Variants in RRP1B observed in about 807,000 individuals in gnomAD.
RRP1B encodes the protein ribosomal RNA processing protein 1 homolog B.
A neutral mutation model predicts 80.2 loss-of-function variants in RRP1B; 56 were observed. That is an observed-to-expected ratio of 0.70 (90% CI 0.56 to 0.87). The LOEUF (loss-of-function observed/expected upper bound fraction) is 0.87, where lower values mean the gene tolerates loss of function less well. RRP1B is among the 40% of genes least tolerant of loss of function. The probability of loss-of-function intolerance (pLI) is 0.00; values close to 1 mark genes in which losing one functional copy is unlikely to be tolerated. For missense variants in RRP1B, 807 were observed against 939.8 expected (o/e 0.86, Z 1.85); for synonymous variants, 351 against 357.6 (o/e 0.98, Z 0.21).
chr21:43,665,663 C>G (rs943202235), intron 1 of RRP1B, among the ~76,000 whole-genome samples: 6 of 152,058 alleles, frequency 3.9e-5, no homozygotes, highest in Non-Finnish European at 8.8e-5. Flanking sequence ...ACCCTTGGTG[C>G]CATTCTCAGG....
rs193281216 is a variant in RRP1B, at chr21:43,691,843, C to T, written c.2083+341C>T. On this transcript the variant is annotated intron_variant, in intron 15 of 15. Transcript: ENST00000340648. This position sits in a 1 kb window ranked among gnomAD's most constrained non-coding sequence, Gnocchi z 4.2. Reference sequence around the variant, plus strand: ...TGTATTTTTAGTAAAGATGGAGTTTCACCATGTCAGCCAGGCTGGTCTCAA... The same window carrying T: ...TGTATTTTTAGTAAAGATGGAGTTTTACCATGTCAGCCAGGCTGGTCTCAA... Among the ~76,000 whole-genome samples the T allele has an allele frequency of 2.6e-5, 4 of 152,174 alleles. No individual in the cohort carries two copies. The highest frequency in any genetic ancestry group is 7.2e-5 in the African/African-American group (3 of 41,526).
intron 4 of RRP1B, 89 bp downstream of exon 4, chr21:43,674,044 C>G (rs886335942): frequency 1.2e-5 from 11 of 934,072 alleles, no homozygotes; most frequent in Non-Finnish European, 1.8e-5. Context: ...ATTTGTGAAG[C>G]AAAACAAGCC....
At chr21:43,680,831 C>T (rs182748538) in intron 8 of RRP1B, among the ~76,000 whole-genome samples, 111 of 152,314 alleles carry the variant, frequency 7.3e-4, no homozygotes, top group African/African-American at 2.0e-3. Context: ...AGGCATGAGC[C>T]ACCACACCTA....
At position 43,695,294 on chromosome 21, in the gene RRP1B, G is replaced by A. The variant is rs970666615; in HGVS notation, c.*1911G>A. 2.0e-5 allele frequency: 3 copies of A among 152,056 alleles called. No individual in the cohort carries two copies. The highest frequency in any genetic ancestry group is 7.3e-5 in the African/African-American group (3 of 41,368). 9.4% of individuals were successfully genotyped at this position (152,056 alleles called of 1,614,324 possible). ...AATCCAACATTGTTGAGATGTCTTA[G>A]GACATCTAAGGCAAAACTGGCACAT... On this transcript the variant is annotated 3_prime_UTR_variant, in exon 16 of 16. Transcript: ENST00000340648.
Position 43,691,623 on chromosome 21 carries a change from A to G in RRP1B, c.2083+121A>G. ...GGGGGGTCCTAGCTCCTCACTGCCCATTTCTTTATTTTTATTTTTTTTTTT... is the reference window on the plus strand; with the variant it reads ...GGGGGGTCCTAGCTCCTCACTGCCCGTTTCTTTATTTTTATTTTTTTTTTT... On this transcript the variant is annotated intron_variant, in intron 15 of 15. Transcript: ENST00000340648. The surrounding 1 kb of genome is among the most constrained non-coding windows in gnomAD (Gnocchi z 4.2). 1.5e-6 allele frequency: 1 copy of G among 664,360 alleles called. No individual in the cohort carries two copies. Among genetic ancestry groups the G allele is most frequent in the South Asian group, 1.9e-5 (1 of 52,736 alleles). The allele number at this position is 664,360 out of a possible 1,614,324, so 41.2% of individuals were successfully genotyped here.
chr21:43,668,024 A>G lies in RRP1B; in HGVS notation c.131-1860A>G, dbSNP rs566294174. On this transcript the variant is annotated intron_variant, in intron 1 of 15. Transcript: ENST00000340648. ...GGAGTTCCGGACCAGCCTGGCCAAC[A>G]TGGTGAAACCTTGTCTCCACTAAAA... Among the ~76,000 whole-genome samples, 223 of 152,266 alleles carry G rather than the reference A, an allele frequency of 1.5e-3. 2 individuals carry two copies. The highest frequency in any genetic ancestry group is 5.1e-3 in the African/African-American group (212 of 41,558).
chr21:43,662,953 C>T (rs2082963756), intron 1 of RRP1B, among the ~76,000 whole-genome samples: 1 of 152,182 alleles, frequency 6.6e-6, no homozygotes, highest in Non-Finnish European at 1.5e-5. Flanking sequence ...TGTATCATTG[C>T]TTTCTTTTTG....
intron 11 of RRP1B, 55 bp from the exon 12 acceptor site, chr21:43,686,749 G>T: frequency 6.2e-7 from 1 of 1,604,622 alleles, no homozygotes; most frequent in South Asian, 1.1e-5. Flanking sequence ...TTAGGCCCCT[G>T]GGGCAGAGTC....
At position 43,680,542 on chromosome 21, in the gene RRP1B, C is replaced by T. The variant is rs948094316; in HGVS notation, c.797-2737C>T. 4.6e-5 allele frequency among the ~76,000 whole-genome samples: 7 copies of T among 151,106 alleles called. 1 individual carries two copies. Among genetic ancestry groups the T allele is most frequent in the Non-Finnish European group, 4.4e-5 (3 of 67,856 alleles). On this transcript the variant is annotated intron_variant, in intron 8 of 15. Transcript: ENST00000340648. ...TCGAGCCACTGCACTCCAGCCTGGG[C>T]GACAGAGGGAGACGCCATCTCAAAA...
At position 43,691,637 on chromosome 21, in the gene RRP1B, A is replaced by T. The variant is rs13051661; in HGVS notation, c.2083+135A>T. On this transcript the variant is annotated intron_variant, in intron 15 of 15. Coordinates refer to ENST00000340648, the MANE Select transcript of RRP1B (RefSeq NM_015056.3). This position sits in a 1 kb window ranked among gnomAD's most constrained non-coding sequence, Gnocchi z 4.2. ...CCTCACTGCCCATTTCTTTATTTTTATTTTTTTTTTTTTTTTGAGACAGAG... is the reference window on the plus strand; with the variant it reads ...CCTCACTGCCCATTTCTTTATTTTTTTTTTTTTTTTTTTTTTGAGACAGAG... The T allele has an allele frequency of 0.47, 213,434 of 452,472 alleles. 32,950 individuals are homozygous for T. The highest frequency in any genetic ancestry group is 0.59 in the Admixed American group (16,053 of 27,292). 28.0% of individuals were successfully genotyped at this position (452,472 alleles called of 1,614,324 possible).
At chr21:43,670,113 A>G (rs1210295764) in intron 2 of RRP1B, 147 bp downstream of exon 2, 7 of 476,686 alleles carry the variant, frequency 1.5e-5, no homozygotes, top group Non-Finnish European at 2.6e-5. Flanking sequence ...TCTTGTCCAT[A>G]CAGAAAGGGA....
Position 43,687,851 on chromosome 21 carries a change from C to A in RRP1B, c.1477C>A (p.Pro493Thr), listed in dbSNP as rs756855494. Residue 493 changes from proline (P) to threonine (T), a missense_variant, in exon 13 of 16, where the codon CCC becomes ACC. By Grantham distance (38) the Pro-to-Thr change is conservative (BLOSUM62 -1). Coordinates refer to ENST00000340648, the MANE Select transcript of RRP1B (RefSeq NM_015056.3). The part of the protein sequence containing the change: ...HREMLESAVL[P>T]PEDMSQSGPS... ...GGAAATGTTGGAATCAGCAGTGTTG[C>A]CCCCAGAGGACATGTCTCAGAGTGG... 1.1e-5 allele frequency: 18 copies of A among 1,613,196 alleles called. No individual in the cohort carries two copies. In the African/African-American group the frequency reaches 2.1e-4, roughly 19 times the overall value.
intron 11 of RRP1B, 117 bp downstream of exon 11, chr21:43,685,906 A>G: frequency 7.6e-7 from 1 of 1,319,454 alleles, no homozygotes; most frequent in Non-Finnish European, 1.0e-6. Flanking sequence ...AAAACCTCTG[A>G]TAAGAAATAA....
chr21:43,666,265 C>T (rs185535425), intron 1 of RRP1B, among the ~76,000 whole-genome samples: 149 of 152,390 alleles, frequency 9.8e-4, no homozygotes, highest in African/African-American at 3.6e-3. Context: ...GAAGAGAACA[C>T]ACAGTTTGTA....
chr21:43,673,594 A>G (rs2083008649), intron 3 of RRP1B, among the ~76,000 whole-genome samples: 1 of 149,292 alleles, frequency 6.7e-6, no homozygotes, highest in African/African-American at 2.5e-5. Context: ...AGATCATGCC[A>G]TTGCACTCCA....
Position 43,690,383 on chromosome 21 carries a change from GTTC to G in RRP1B, c.1966_1968del (p.Phe656del). On this transcript the variant is annotated inframe_deletion, in exon 14 of 16. Coordinates refer to ENST00000340648, the MANE Select transcript of RRP1B (RefSeq NM_015056.3). ...ACACCCCCTTCTTACCAAAGCCCCTGTTCTTCAGAAGAGCCAAGAGCAGCACTG... is the reference window on the plus strand; with the variant it reads ...ACACCCCCTTCTTACCAAAGCCCCTGTTCAGAAGAGCCAAGAGCAGCACTG... The G allele has an allele frequency of 6.8e-6, 11 of 1,614,208 alleles. No homozygotes were observed. The highest frequency in any genetic ancestry group is 1.1e-5 in the South Asian group (1 of 91,088).
chr21:43,684,701 C>G, intron 10 of RRP1B, 51 bp downstream of exon 10: 2 of 1,455,140 alleles, frequency 1.4e-6, no homozygotes, highest in South Asian at 2.3e-5. Context: ...TAGTTCTCAT[C>G]TCCTGGTGTG....
chr21:43,677,387 A>G (rs181390242), intron 8 of RRP1B, among the ~76,000 whole-genome samples: 1 of 152,240 alleles, frequency 6.6e-6, no homozygotes, highest in Admixed American at 6.5e-5. Context: ...TACTGACATA[A>G]TTCTTACTAC....
At chr21:43,667,924 C>T (rs2082984748) in intron 1 of RRP1B, among the ~76,000 whole-genome samples, 1 of 152,164 alleles carries the variant, frequency 6.6e-6, no homozygotes, top group Non-Finnish European at 1.5e-5. Flanking sequence ...AATCAAAATG[C>T]AGGCCGGGTG....
Sources: gnomAD v4.1 joint callset for allele counts (sites outside exome capture counted in the v4.1 genomes callset) on GRCh38, gnomAD v4.1.1 for gene constraint, Gnocchi (gnomAD v3.1) non-coding constraint, MANE v1.5 for transcripts, NCBI Gene and HGNC (gene_info 2026-07-23, HGNC 2026-07-21) for gene names.